PIEZO2: variants seen among roughly 807,000 people sequenced by gnomAD.
PIEZO2 encodes the protein piezo-type mechanosensitive ion channel component 2.
Under a neutral mutation model 337.3 loss-of-function variants are expected in PIEZO2, and 172 were observed. That is an observed-to-expected ratio of 0.51 (90% CI 0.45 to 0.58). The LOEUF (loss-of-function observed/expected upper bound fraction) is 0.58, where lower values mean the gene tolerates loss of function less well. Among genes scored for constraint, PIEZO2 ranks in the 20% least tolerant of loss-of-function variants. The pLI is 0.00. For missense variants in PIEZO2, 3,028 were observed against 3,391.3 expected, an observed-to-expected ratio of 0.89 and a Z score of 2.66; for synonymous variants, 1,251 against 1,228.5, an observed-to-expected ratio of 1.02 and a Z score of -0.38.
chr18:10,697,678 G>GATAAATAATATTTCCTATTA, intron 45 of PIEZO2, 70 bp downstream of exon 45: 2 of 1,561,102 alleles, frequency 1.3e-6, no homozygotes, highest in East Asian at 4.5e-5. Context: ...TCTGCTCCTG[G>GATAAATAATATTTCCTATTA]TTTATAGGAA....
intron 3 of PIEZO2, among the ~76,000 whole-genome samples, chr18:10,970,735 A>C (rs2034204739): frequency 6.6e-6 from 1 of 150,614 alleles, no homozygotes; most frequent in Non-Finnish European, 1.5e-5. Flanking sequence ...AGTCAGGAGA[A>C]AGAGGAAGGA....
chr18:10,829,579 G>A (rs1243687306), intron 7 of PIEZO2, among the ~76,000 whole-genome samples: 1 of 151,646 alleles, frequency 6.6e-6, no homozygotes, highest in Non-Finnish European at 1.5e-5. Flanking sequence ...AAAATTGAGA[G>A]CTGACAAACA....
Position 10,758,264 on chromosome 18 carries a change from T to A in PIEZO2, c.3758-130A>T. 4 of 1,102,780 alleles carry A rather than the reference T, an allele frequency of 3.6e-6. 1 individual carries two copies. In the South Asian group the frequency reaches 6.6e-5, roughly 18 times the overall value. 68.3% of individuals were successfully genotyped at this position (1,102,780 alleles called of 1,614,324 possible). A position where few individuals can be genotyped will look rare whatever the true frequency, so the allele number is the denominator to read the frequency against. ...TGAGTTGTGTTCCCAAAGTTCATAG[T>A]AAAATTCATCCTGGAGTCCAATGTC... On this transcript the variant is annotated intron_variant, in intron 26 of 55. Transcript: ENST00000674853.
At chr18:11,023,068 G>A (rs2036374312) in intron 2 of PIEZO2, among the ~76,000 whole-genome samples, 2 of 152,092 alleles carry the variant, frequency 1.3e-5, no homozygotes, top group Non-Finnish European at 2.9e-5. Context: ...CAGACCCTTC[G>A]CCGTGAGTGT....
chr18:10,841,773 G>A (rs1443690215), intron 7 of PIEZO2, among the ~76,000 whole-genome samples: 1 of 152,140 alleles, frequency 6.6e-6, no homozygotes, highest in Admixed American at 6.5e-5. Flanking sequence ...AAATACATGG[G>A]CAATTATAAA....
Position 10,726,973 on chromosome 18 carries a change from C to T in PIEZO2, c.5029+4434G>A, listed in dbSNP as rs1445947143. The T allele has an allele frequency of 2.4e-6, 3 of 1,269,006 alleles. No individual in the cohort carries two copies. Among genetic ancestry groups the T allele is most frequent in the Non-Finnish European group, 3.3e-6 (3 of 917,800 alleles). 78.6% of individuals were successfully genotyped at this position (1,269,006 alleles called of 1,614,324 possible). ...GAGGGCTGCAGACAGAGGCCCTGGA[C>T]AGAAGCTCCAGATAGGCCCCCAGAA... On this transcript the variant is annotated intron_variant, in intron 36 of 55. Transcript: ENST00000674853. The surrounding 1 kb of genome is among the most constrained non-coding windows in gnomAD (Gnocchi z 5.9).
intron 3 of PIEZO2, among the ~76,000 whole-genome samples, chr18:10,966,522 A>T (rs2034006333): frequency 6.6e-6 from 1 of 152,212 alleles, no homozygotes; most frequent in South Asian, 2.1e-4. Context: ...TGCCCATAAG[A>T]GAAATCCACA....
intron 33 of PIEZO2, 167 bp downstream of exon 33, chr18:10,740,856 TGGACCCCG>T: frequency 1.4e-6 from 1 of 719,588 alleles, no homozygotes; most frequent in East Asian, 2.7e-5. Context: ...CTGGAAGAAT[TGGACCCCG>T]GGCTCAAAGA....
chr18:10,753,564 T>C (rs192467622), intron 27 of PIEZO2, among the ~76,000 whole-genome samples: 231 of 152,318 alleles, frequency 1.5e-3, no homozygotes, highest in African/African-American at 5.1e-3. Context: ...ACAGGCCAAG[T>C]CCCAACTGCA....
intron 1 of PIEZO2, among the ~76,000 whole-genome samples, chr18:11,134,582 T>G (rs191999571): frequency 7.9e-5 from 12 of 152,272 alleles, no homozygotes; most frequent in African/African-American, 2.6e-4. Flanking sequence ...AATTTTTCAA[T>G]GTGTGCTCCC....
rs1388494979 is a variant in PIEZO2 at position 10,929,113 on chromosome 18, T to C, written c.287-17885A>G. On this transcript the variant is annotated intron_variant, in intron 3 of 55. Transcript: ENST00000674853. This position sits in a 1 kb window ranked among gnomAD's most constrained non-coding sequence, Gnocchi z 5.6. ...CCAGCTGCTGTTGTAAAGGTATCCA[T>C]GCATCAGTCTTTATGTAAACACTCA... is the stretch of plus-strand genomic sequence containing the variant. 6.6e-6 allele frequency among the ~76,000 whole-genome samples: 1 copy of C among 152,250 alleles called. No homozygotes were observed. Among genetic ancestry groups the C allele is most frequent in the East Asian group, 1.9e-4 (1 of 5,204 alleles).
chr18:10,917,706 A>G (rs1181849668), intron 3 of PIEZO2, among the ~76,000 whole-genome samples: 1 of 152,192 alleles, frequency 6.6e-6, no homozygotes, highest in East Asian at 1.9e-4. Flanking sequence ...AATCAGCAGA[A>G]AAGGATTAAT....
chr18:11,082,833 T>C (rs1451575879), intron 1 of PIEZO2, among the ~76,000 whole-genome samples: 1 of 152,148 alleles, frequency 6.6e-6, no homozygotes, highest in African/African-American at 2.4e-5. Context: ...TCGGTTTTCT[T>C]TAAAAAGTAC....
In PIEZO2 at chr18:11,031,012, C is replaced by T. The variant is rs943785199; in HGVS notation, c.160+35115G>A. On this transcript the variant is annotated intron_variant, in intron 2 of 55. Transcript: ENST00000674853. The surrounding 1 kb of genome is among the most constrained non-coding windows in gnomAD (Gnocchi z 4.7). ...AATTTTGTTGTTGTTGTTGTTGAGA[C>T]GGAGTCTTGCTCTGTTGCCCAGGCT... Among the ~76,000 whole-genome samples the T allele has an allele frequency of 3.4e-5, 5 of 148,574 alleles. No homozygotes were observed. Among genetic ancestry groups the T allele is most frequent in the Admixed American group, 2.7e-4 (4 of 14,944 alleles).
intron 1 of PIEZO2, among the ~76,000 whole-genome samples, chr18:11,074,636 G>A (rs1223485041): frequency 6.6e-6 from 1 of 152,124 alleles, no homozygotes; most frequent in Non-Finnish European, 1.5e-5. Flanking sequence ...GAAAGATGGT[G>A]TGCAATTTGG....
At position 10,988,973 on chromosome 18, in the gene PIEZO2, T is replaced by A. The variant is rs150309415; in HGVS notation, c.161-9313A>T. Reference sequence around the variant, plus strand: ...AGGCAATTGTCAAAAGGTACAAAGTTTCAGTTATGCAAGATAAAGAAGTTC... The same window carrying A: ...AGGCAATTGTCAAAAGGTACAAAGTATCAGTTATGCAAGATAAAGAAGTTC... On this transcript the variant is annotated intron_variant, in intron 2 of 55. Coordinates refer to ENST00000674853, the MANE Select transcript of PIEZO2 (RefSeq NM_001378183.1). The surrounding 1 kb of genome is among the most constrained non-coding windows in gnomAD (Gnocchi z 4.8). 6.6e-6 allele frequency among the ~76,000 whole-genome samples: 1 copy of A among 152,162 alleles called. No individual in the cohort carries two copies. The highest frequency in any genetic ancestry group is 1.9e-4 in the East Asian group (1 of 5,170).
At chr18:10,684,746 G>T (rs568852827) in intron 49 of PIEZO2, among the ~76,000 whole-genome samples, 2 of 152,162 alleles carry the variant, frequency 1.3e-5, no homozygotes, top group Non-Finnish European at 2.9e-5. Context: ...GATTACAAGC[G>T]TGAGCCACCA....
At chr18:10,737,338 A>G (rs1448308802) in intron 33 of PIEZO2, among the ~76,000 whole-genome samples, 3 of 151,648 alleles carry the variant, frequency 2.0e-5, no homozygotes, top group Non-Finnish European at 4.4e-5. Context: ...TGAAATGGGC[A>G]GGTAACATTG....
At position 10,726,833 on chromosome 18, in the gene PIEZO2, T is replaced by C; in HGVS notation, c.5029+4574A>G. 13 of 1,578,530 alleles carry C rather than the reference T, an allele frequency of 8.2e-6. No homozygotes were observed. Among genetic ancestry groups the C allele is most frequent in the Non-Finnish European group, 7.8e-6 (9 of 1,151,184 alleles). On this transcript the variant is annotated intron_variant, in intron 36 of 55. Transcript: ENST00000674853. The surrounding 1 kb of genome is among the most constrained non-coding windows in gnomAD (Gnocchi z 5.9). ...CATGGGGTGCTGGATAATACCCGGA[T>C]GCCCCACCTTATGCAGGACTTGGCA...
Sources: allele counts gnomAD v4.1 joint callset (sites outside exome capture counted in the v4.1 genomes callset), GRCh38; gene constraint gnomAD v4.1.1; non-coding constraint Gnocchi (gnomAD v3.1); transcripts MANE v1.5; gene names NCBI Gene and HGNC (gene_info 2026-07-23, HGNC 2026-07-21).